Variants in FAT2 observed in about 807,000 individuals in gnomAD.
FAT2 encodes FAT atypical cadherin 2.
In FAT2, 150 loss-of-function variants were observed where a neutral mutation model predicts 295.3. The ratio of observed to expected loss-of-function variants is 0.51; its 90% CI spans 0.44 to 0.58. FAT2 has a LOEUF of 0.58. Ranked by LOEUF, FAT2 falls within the 20% of genes least tolerant of loss-of-function variation. The pLI is 0.00. For synonymous variants in FAT2, 2,026 were observed against 2,150.3 expected (o/e 0.94, Z 1.60); for missense variants, 4,868 against 5,442.7 (o/e 0.89, Z 3.32).
chr5:151,505,776 T>G lies in FAT2; in HGVS notation c.12839A>C (p.Gln4280Pro). The G allele has an allele frequency of 6.2e-7, 1 of 1,614,000 alleles. No homozygotes were observed. The highest frequency in any genetic ancestry group is 8.5e-7 in the Non-Finnish European group (1 of 1,179,988). The change falls in exon 24 of 24, where the codon CAG (glutamine) becomes CCG (proline). Residue 4280 changes from glutamine (Q) to proline (P), a missense_variant. Coordinates refer to ENST00000261800, the MANE Select transcript of FAT2 (RefSeq NM_001447.3). ...EYTAISYYHSQFRQGGGGPCL... is the reference protein window; with the variant it reads ...EYTAISYYHSPFRQGGGGPCL... The stretch of plus-strand genomic sequence containing the variant: ...GGGCCCTCCCCCTCCCTGCCGGAAC[T>G]GCGAGTGGTAGTAGCTGATGGCCGT...
At chr5:151,586,275 G>A (rs916451177) in intron 1 of FAT2, among the ~76,000 whole-genome samples, 1 of 152,248 alleles carries the variant, frequency 6.6e-6, no homozygotes, top group African/African-American at 2.4e-5. Flanking sequence ...ACTGCTGCGG[G>A]CACTGGAGCC....
In FAT2 at chr5:151,570,742, C is replaced by T. The variant is rs73273960; in HGVS notation, c.-20-1791G>A. ...CTGGAGCATTCTTGGATGAAACTGG[C>T]CAGACCTGATTTTCCAGTTGCCTTG... On this transcript the variant is annotated intron_variant, in intron 1 of 23. Coordinates refer to ENST00000261800, the MANE Select transcript of FAT2 (RefSeq NM_001447.3). 7.1e-3 allele frequency among the ~76,000 whole-genome samples: 1,081 copies of T among 152,244 alleles called. 17 individuals are homozygous for T. Among genetic ancestry groups the T allele is most frequent in the African/African-American group, 0.025 (1,046 of 41,528 alleles).
At position 151,542,847 on chromosome 5, in the gene FAT2, G is replaced by C; in HGVS notation, c.8280C>G (p.Thr2760=). Residue 2760 remains threonine (T), a synonymous_variant, in exon 10 of 24, where the codon ACC becomes ACG. Transcript: ENST00000261800. The part of the protein sequence containing the change: ...KVRKPMDHES[T]KLYQIDVMAH... ...CCATCACATCAATCTGGTACAATTT[G>C]GTGGATTCGTGGTCCATGGGCTTCC... The C allele has an allele frequency of 6.2e-7, 1 of 1,614,190 alleles. No individual in the cohort carries two copies. Among genetic ancestry groups the C allele is most frequent in the Non-Finnish European group, 8.5e-7 (1 of 1,180,034 alleles).
At chr5:151,513,250 G>A (rs1442544600) in intron 20 of FAT2, among the ~76,000 whole-genome samples, 3 of 151,990 alleles carry the variant, frequency 2.0e-5, no homozygotes, top group South Asian at 4.2e-4. Context: ...TTTTTCTTTC[G>A]GAAAGTAATT....
At chr5:151,526,464 A>C (rs1172369995) in intron 17 of FAT2, among the ~76,000 whole-genome samples, 4 of 152,218 alleles carry the variant, frequency 2.6e-5, no homozygotes, top group Non-Finnish European at 4.4e-5. Context: ...CCTGAGTATC[A>C]TTTTAGCCTT....
chr5:151,593,308 G>GGGGGCCCTCGCT (rs142387890), upstream of FAT2, among the ~76,000 whole-genome samples: 12,315 of 152,228 alleles, frequency 0.081, 1,664 homozygotes, highest in African/African-American at 0.28. Flanking sequence ...GTCTTCCCTC[G>GGGGGCCCTCGCT]GGGGCCAAGG....
At chr5:151,564,623 T>A (rs763686347) in intron 2 of FAT2, among the ~76,000 whole-genome samples, 2 of 152,198 alleles carry the variant, frequency 1.3e-5, no homozygotes, top group Non-Finnish European at 2.9e-5. Context: ...CTTAGGGCCT[T>A]ACCAGTAGTG....
chr5:151,539,098 T>C (rs910759070), intron 11 of FAT2, among the ~76,000 whole-genome samples: 2 of 151,888 alleles, frequency 1.3e-5, no homozygotes, highest in Non-Finnish European at 2.9e-5. Flanking sequence ...AGGACAGAAG[T>C]TGGTTGTAAT....
Position 151,542,244 on chromosome 5 carries a change from G to A in FAT2, c.8842+41C>T, listed in dbSNP as rs6579879. On this transcript the variant is annotated intron_variant, in intron 10 of 23. Transcript: ENST00000261800. ...GGGCACCTCTTCCTGGATGTTTTTC[G>A]ATACATTCCAGAGCCTGCAGTCCAT... is the stretch of plus-strand genomic sequence containing the variant. 938,321 of 1,520,774 alleles carry A rather than the reference G, an allele frequency of 0.62. 290,716 individuals are homozygous for A. The highest frequency in any genetic ancestry group is 0.68 in the Admixed American group (31,660 of 46,482). The allele number at this position is 1,520,774 out of a possible 1,614,324, so 94.2% of individuals were successfully genotyped here.
Position 151,512,589 on chromosome 5 carries a change from G to A in FAT2, c.11481C>T (p.Pro3827=). Residue 3827 remains proline, a synonymous_variant, in exon 21 of 24, where the codon CCC becomes CCT. Coordinates refer to ENST00000261800, the MANE Select transcript of FAT2 (RefSeq NM_001447.3). The surrounding 1 kb of genome is among the most constrained non-coding windows in gnomAD (Gnocchi z 4.1). ...SVSLKLASGV[P]QLEYHCLGGF... ...CACCCAGACAGTGGTATTCCAGCTG[G>A]GGCACTCCACTGGCCAGCTGCAAAG... is the stretch of plus-strand genomic sequence containing the variant. 1 of 1,609,544 alleles carries A rather than the reference G, an allele frequency of 6.2e-7. No homozygotes were observed. Among genetic ancestry groups the A allele is most frequent in the Non-Finnish European group, 8.5e-7 (1 of 1,177,334 alleles).
intron 22 of FAT2, 92 bp downstream of exon 22, chr5:151,509,929 C>T: frequency 6.9e-7 from 1 of 1,445,588 alleles, no homozygotes; most frequent in Non-Finnish European, 9.5e-7. Flanking sequence ...GCAGCACTCT[C>T]CCCTGGCCTC....
chr5:151,553,533 G>C, intron 5 of FAT2, 146 bp from the exon 6 acceptor site: 1 of 732,812 alleles, frequency 1.4e-6, no homozygotes, highest in Non-Finnish European at 2.3e-6. Context: ...ATACTTGAAG[G>C]CTTGCTGTAA....
At position 151,521,719 on chromosome 5, in the gene FAT2, T is replaced by C. The variant is rs754221742; in HGVS notation, c.10874A>G (p.Glu3625Gly). The C allele has an allele frequency of 1.2e-6, 2 of 1,613,970 alleles. No individual in the cohort carries two copies. Among genetic ancestry groups the C allele is most frequent in the Admixed American group, 3.3e-5 (2 of 60,024 alleles). ...VHVYVWHVGQ[E>G]ALQQAMWMGF... ...CATCCACATGGCCTGCTGCAGAGCCTCCTGCCCCACATGCCACACGTACAC... is the reference window on the plus strand; with the variant it reads ...CATCCACATGGCCTGCTGCAGAGCCCCCTGCCCCACATGCCACACGTACAC... The change falls in exon 19 of 24, where the codon GAG (glutamate) becomes GGG (glycine). Residue 3625 changes from glutamate (E) to glycine (G), a missense_variant. By Grantham distance (98) the Glu-to-Gly change is moderately conservative. Around this residue, in one of 5 missense-constraint regions of FAT2, gnomAD observed 1,046 missense variants for 1,210.1 expected, o/e 0.86. Transcript: ENST00000261800.
At chr5:151,554,907 G>A (rs1757552366) in intron 4 of FAT2, among the ~76,000 whole-genome samples, 1 of 152,226 alleles carries the variant, frequency 6.6e-6, no homozygotes, top group African/African-American at 2.4e-5. Context: ...AGAGTCTCTA[G>A]ACAAAAGCTG....
intron 10 of FAT2, among the ~76,000 whole-genome samples, chr5:151,541,180 C>G (rs189131232): frequency 6.6e-6 from 1 of 152,184 alleles, no homozygotes; most frequent in African/African-American, 2.4e-5. Flanking sequence ...ACTAAGGACC[C>G]ACCCTAAGTG....
intron 2 of FAT2, among the ~76,000 whole-genome samples, chr5:151,565,057 A>G (rs1758186259): frequency 6.6e-6 from 1 of 152,200 alleles, no homozygotes. Flanking sequence ...CCTGGGTGAC[A>G]GAGCAAGACT....
chr5:151,538,036 GC>G, intron 11 of FAT2, 90 bp from the exon 12 acceptor site: 1 of 1,188,086 alleles, frequency 8.4e-7, no homozygotes, highest in Non-Finnish European at 1.2e-6. Flanking sequence ...GGAGGCAGAA[GC>G]AGAAAGAGAG....
At chr5:151,551,741 G>T in intron 6 of FAT2, 135 bp from the exon 7 acceptor site, 1 of 796,336 alleles carries the variant, frequency 1.3e-6, no homozygotes, top group Non-Finnish European at 1.9e-6. Context: ...ACAGGTTGTA[G>T]TTTATTCTCC....
At chr5:151,557,695 A>G (rs1360747714) in intron 3 of FAT2, among the ~76,000 whole-genome samples, 1 of 152,208 alleles carries the variant, frequency 6.6e-6, no homozygotes, top group African/African-American at 2.4e-5. Context: ...AAGAAAACAA[A>G]TGTCTTTTAT....
Sources: gnomAD v4.1 joint callset for allele counts (sites outside exome capture counted in the v4.1 genomes callset) on GRCh38, gnomAD v4.1.1 for gene constraint, gnomAD v4.1.1 regional missense constraint, Gnocchi (gnomAD v3.1) non-coding constraint, MANE v1.5 for transcripts, NCBI Gene and HGNC (gene_info 2026-07-23, HGNC 2026-07-21) for gene names.